Variants in FARP1 observed in about 807,000 individuals in gnomAD.
FARP1 encodes the protein FERM, ARHGEF and pleckstrin domain-containing protein 1.
In FARP1, 52 loss-of-function variants were observed where a neutral mutation model predicts 128.8. The ratio of observed to expected loss-of-function variants is 0.40; its 90% CI spans 0.32 to 0.51. FARP1 has a LOEUF of 0.51. Among genes scored for constraint, FARP1 ranks in the 20% least tolerant of loss-of-function variants. The probability of loss-of-function intolerance (pLI) is 0.45; values close to 1 mark genes in which losing one functional copy is unlikely to be tolerated. For missense variants in FARP1, 1,333 were observed against 1,367.9 expected, an observed-to-expected ratio of 0.97 and a Z score of 0.40; for synonymous variants, 580 against 551.8, an observed-to-expected ratio of 1.05 and a Z score of -0.72.
At chr13:98,157,222 T>C (rs1186079185) in intron 1 of FARP1, among the ~76,000 whole-genome samples, 1 of 152,242 alleles carries the variant, frequency 6.6e-6, no homozygotes, top group African/African-American at 2.4e-5. Context: ...ATCATGTTAC[T>C]GTTTTGCTGG....
chr13:98,275,909 G>A (rs1035265968), intron 2 of FARP1, among the ~76,000 whole-genome samples: 3 of 152,134 alleles, frequency 2.0e-5, no homozygotes, highest in Admixed American at 2.0e-4. Flanking sequence ...TTTTTGAAGT[G>A]TTTTCATTAA....
chr13:98,262,867 A>G (rs1198823641), intron 2 of FARP1, among the ~76,000 whole-genome samples: 1 of 152,038 alleles, frequency 6.6e-6, no homozygotes, highest in African/African-American at 2.4e-5. Context: ...GTTTTGGAGA[A>G]GCTAAGTATT....
At chr13:98,341,244 T>G (rs947362857) in intron 2 of FARP1, among the ~76,000 whole-genome samples, 3 of 152,192 alleles carry the variant, frequency 2.0e-5, no homozygotes, top group African/African-American at 4.8e-5. Flanking sequence ...ATCCGTGTAC[T>G]TGGCGGGCTT....
At chr13:98,157,163 A>T (rs1876550294) in intron 1 of FARP1, among the ~76,000 whole-genome samples, 1 of 152,304 alleles carries the variant, frequency 6.6e-6, no homozygotes, top group South Asian at 2.1e-4. Context: ...CTTTGAGTTG[A>T]CTGGAGTAGT....
chr13:98,190,023 CTGT>C (rs935070385), intron 1 of FARP1, among the ~76,000 whole-genome samples: 1 of 152,154 alleles, frequency 6.6e-6, no homozygotes, highest in African/African-American at 2.4e-5. Context: ...CCCTTGTCTT[CTGT>C]TCTTGGCCAG....
intron 1 of FARP1, among the ~76,000 whole-genome samples, chr13:98,186,703 T>C (rs572176089): frequency 3.9e-5 from 6 of 152,024 alleles, no homozygotes; most frequent in Non-Finnish European, 7.4e-5. Context: ...TGAATAAAGA[T>C]GATATGGGCC....
intron 2 of FARP1, among the ~76,000 whole-genome samples, chr13:98,250,192 C>T (rs1399480890): frequency 1.3e-5 from 2 of 152,114 alleles, no homozygotes; most frequent in Non-Finnish European, 2.9e-5. Context: ...TAAAAACCTG[C>T]AAAACTGAGT....
At chr13:98,426,572 C>G (rs1207116984) in intron 17 of FARP1, among the ~76,000 whole-genome samples, 1 of 152,166 alleles carries the variant, frequency 6.6e-6, no homozygotes, top group East Asian at 1.9e-4. Context: ...ACAGAAAAGA[C>G]AGGATCAATT....
chr13:98,431,017 A>C (rs777719440), intron 17 of FARP1, 26 bp from the exon 18 acceptor site: 1 of 1,521,024 alleles, frequency 6.6e-7, no homozygotes, highest in Non-Finnish European at 9.1e-7. Context: ...GCTGAACAGG[A>C]CCCTCCTCCT....
chr13:98,289,833 C>T (rs1039794979), intron 2 of FARP1, among the ~76,000 whole-genome samples: 1 of 152,174 alleles, frequency 6.6e-6, no homozygotes, highest in Non-Finnish European at 1.5e-5. Context: ...TTGATTACTA[C>T]AGGGACCCAA....
intron 1 of FARP1, among the ~76,000 whole-genome samples, chr13:98,158,312 A>G (rs980581683): frequency 6.6e-6 from 1 of 152,230 alleles, no homozygotes; most frequent in African/African-American, 2.4e-5. Flanking sequence ...ATAAAAAGTC[A>G]TGTAAGACAT....
intron 25 of FARP1, 91 bp downstream of exon 25, chr13:98,446,296 C>A: frequency 1.3e-6 from 1 of 799,032 alleles, no homozygotes; most frequent in Admixed American, 2.3e-5. Context: ...TGACTCAGGC[C>A]TCTTGGGCTC....
chr13:98,359,932 G>A (rs1888795898), intron 3 of FARP1, among the ~76,000 whole-genome samples: 1 of 152,156 alleles, frequency 6.6e-6, no homozygotes, highest in Non-Finnish European at 1.5e-5. Flanking sequence ...AAAACAGGGC[G>A]CCTGACTGAA....
At chr13:98,345,854 ATG>A (rs1264577445) in intron 3 of FARP1, among the ~76,000 whole-genome samples, 1 of 152,220 alleles carries the variant, frequency 6.6e-6, no homozygotes, top group African/African-American at 2.4e-5. Context: ...GAATGAATAC[ATG>A]TGTTTGTTCC....
chr13:98,351,940 T>C (rs1888451368), intron 3 of FARP1, among the ~76,000 whole-genome samples: 1 of 152,072 alleles, frequency 6.6e-6, no homozygotes, highest in South Asian at 2.1e-4. Context: ...TCAACAAGAT[T>C]TGGAAGGGAC....
Position 98,448,171 on chromosome 13 carries a change from G to A in FARP1, c.3057-65G>A, listed in dbSNP as rs1161464435. Reference sequence around the variant, plus strand: ...TTCACCTTGTGTTTCTGTAAGCGATGCCCACCAAAGTGTCAGGAGTCCGTC... The same window carrying A: ...TTCACCTTGTGTTTCTGTAAGCGATACCCACCAAAGTGTCAGGAGTCCGTC... On this transcript the variant is annotated intron_variant, in intron 26 of 26. Coordinates refer to ENST00000319562, the MANE Select transcript of FARP1 (RefSeq NM_005766.4). The A allele has an allele frequency of 5.9e-6, 8 of 1,353,494 alleles. No homozygotes were observed. In the East Asian group the frequency reaches 1.8e-4, roughly 31 times the overall value. 83.8% of individuals were successfully genotyped at this position (1,353,494 alleles called of 1,614,324 possible).
chr13:98,185,030 A>G (rs1878770174), intron 1 of FARP1, among the ~76,000 whole-genome samples: 1 of 152,202 alleles, frequency 6.6e-6, no homozygotes, highest in Non-Finnish European at 1.5e-5. Context: ...AGAGTTAGGA[A>G]AAAGTGTGTG....
intron 2 of FARP1, among the ~76,000 whole-genome samples, chr13:98,239,713 G>C (rs1332622625): frequency 1.3e-5 from 2 of 152,094 alleles, no homozygotes; most frequent in African/African-American, 2.4e-5. Flanking sequence ...TGAGTGGCGG[G>C]TGGCATTGGT....
chr13:98,380,425 TAA>T (rs548146531), intron 6 of FARP1, among the ~76,000 whole-genome samples: 7 of 134,138 alleles, frequency 5.2e-5, no homozygotes, highest in East Asian at 2.2e-4. Flanking sequence ...AGACTCTGTC[TAA>T]AAAAAAAAAA....
Sources: gnomAD v4.1 joint callset for allele counts (sites outside exome capture counted in the v4.1 genomes callset) on GRCh38, gnomAD v4.1.1 for gene constraint, MANE v1.5 for transcripts, NCBI Gene and HGNC (gene_info 2026-07-23, HGNC 2026-07-21) for gene names.